SRP72: variants seen among roughly 807,000 people sequenced by gnomAD.
The protein encoded by SRP72 is signal recognition particle subunit SRP72.
Under a neutral mutation model 96.3 loss-of-function variants are expected in SRP72, and 49 were observed. The ratio of observed to expected loss-of-function variants is 0.51; its 90% CI spans 0.40 to 0.65. The LOEUF is 0.65. Ranked by LOEUF, SRP72 falls within the 30% of genes least tolerant of loss-of-function variation. SRP72 has a pLI of 0.00. For missense variants in SRP72, 736 were observed against 793.3 expected (o/e 0.93, Z 0.87); for synonymous variants, 267 against 275.2 (o/e 0.97, Z 0.30).
At chr4:56,500,497 T>G (rs371531671) in intron 17 of SRP72, 39 bp from the exon 18 acceptor site, 1 of 1,593,930 alleles carries the variant, frequency 6.3e-7, no homozygotes, top group South Asian at 1.1e-5. Flanking sequence ...CTTGAAAATA[T>G]TATGACACAT....
intron 8 of SRP72, among the ~76,000 whole-genome samples, chr4:56,481,488 C>T (rs544459402): frequency 1.1e-4 from 17 of 151,962 alleles, no homozygotes; most frequent in Non-Finnish European, 1.0e-4. Context: ...ACTGTGCCCC[C>T]ACATGGGAAT....
chr4:56,478,273 A>G, intron 6 of SRP72, 106 bp from the exon 7 acceptor site: 1 of 1,164,588 alleles, frequency 8.6e-7, no homozygotes, highest in Non-Finnish European at 1.1e-6. Context: ...AAATTTCTGA[A>G]ATTATGTGTC....
At chr4:56,474,025 T>A (rs1333277307) in intron 3 of SRP72, 29 bp from the exon 4 acceptor site, 1 of 1,596,022 alleles carries the variant, frequency 6.3e-7, no homozygotes, top group Admixed American at 1.8e-5. Flanking sequence ...TATTTGTCTC[T>A]GATTTTTTAC....
At chr4:56,478,689 T>G (rs536572824) in intron 8 of SRP72, 40 bp downstream of exon 8, 26 of 1,577,664 alleles carry the variant, frequency 1.6e-5, no homozygotes, top group Non-Finnish European at 2.2e-5. Flanking sequence ...TATTTTACCC[T>G]GAAAGCTCAT....
chr4:56,482,069 G>A (rs546818456), intron 8 of SRP72, among the ~76,000 whole-genome samples: 1 of 150,830 alleles, frequency 6.6e-6, no homozygotes, highest in African/African-American at 2.4e-5. Context: ...TGGCCATGGT[G>A]GTATCATTTT....
chr4:56,473,544 G>A (rs767739600), intron 3 of SRP72, among the ~76,000 whole-genome samples: 30 of 151,708 alleles, frequency 2.0e-4, no homozygotes, highest in Non-Finnish European at 3.4e-4. Context: ...TGAGGTGGGC[G>A]GATCACTTGA....
In SRP72 at chr4:56,491,572, A is replaced by G. The variant is rs745855043; in HGVS notation, c.1640+4A>G. The G allele has an allele frequency of 3.7e-6, 6 of 1,612,116 alleles. No homozygotes were observed. Among genetic ancestry groups the G allele is most frequent in the Admixed American group, 3.3e-5 (2 of 59,836 alleles). On this transcript the variant is annotated splice_donor_region_variant and intron_variant, in intron 16 of 18. Transcript: ENST00000642900. ...ATAGTCAACCAAAGGAACAAGGGTA[A>G]TATTTTTCATTGTAACGTTCTCTAA...
In SRP72 at chr4:56,502,493, A is replaced by G. The variant is rs1041098403; in HGVS notation, c.*632A>G. ...TATATATATATATATGTATATATAT[A>G]TACATATATATATATATATAAACAT... On this transcript the variant is annotated 3_prime_UTR_variant, in exon 19 of 19. Coordinates refer to ENST00000642900, the MANE Select transcript of SRP72 (RefSeq NM_006947.4). 1 of 100,148 alleles carries G rather than the reference A, an allele frequency of 1.0e-5. No homozygotes were observed. Among genetic ancestry groups the G allele is most frequent in the African/African-American group, 4.6e-5 (1 of 21,966 alleles). The allele number at this position is 100,148 out of a possible 1,614,324, so 6.2% of individuals were successfully genotyped here.
At chr4:56,479,458 C>T (rs558275908) in intron 8 of SRP72, among the ~76,000 whole-genome samples, 4 of 151,786 alleles carry the variant, frequency 2.6e-5, no homozygotes, top group East Asian at 1.9e-4. Context: ...GGATTACAGG[C>T]GTGAGCCACC....
intron 17 of SRP72, among the ~76,000 whole-genome samples, chr4:56,498,623 A>T (rs1721158543): frequency 6.6e-6 from 1 of 152,170 alleles, no homozygotes; most frequent in African/African-American, 2.4e-5. Context: ...CCTGTACACC[A>T]ATAGTAGACA....
chr4:56,477,957 GAGAA>G lies in SRP72; in HGVS notation c.643-420_643-417del. 2.6e-5 allele frequency among the ~76,000 whole-genome samples: 4 copies of G among 152,270 alleles called. No individual in the cohort carries two copies. The Middle Eastern group carries it at 0.014, about 518-fold the overall frequency. On this transcript the variant is annotated intron_variant, in intron 6 of 18. Coordinates refer to ENST00000642900, the MANE Select transcript of SRP72 (RefSeq NM_006947.4). ...TGAGGTAGAGTTATGGTAGAATAGA[GAGAA>G]AAGCATTTTTAAATGTGATTTTTAT... is the stretch of plus-strand genomic sequence containing the variant.
At chr4:56,469,434 A>G (rs1719874721) in intron 1 of SRP72, among the ~76,000 whole-genome samples, 1 of 152,298 alleles carries the variant, frequency 6.6e-6, no homozygotes, top group African/African-American at 2.4e-5. Context: ...AATTTAATCT[A>G]TAACTCTCCT....
intron 12 of SRP72, 154 bp from the exon 13 acceptor site, chr4:56,489,234 A>G: frequency 2.4e-6 from 1 of 425,270 alleles, no homozygotes; most frequent in South Asian, 8.0e-5. Context: ...CTAGAAGTAA[A>G]GTTAACTATG....
At position 56,500,562 on chromosome 4, in the gene SRP72, A is replaced by C; in HGVS notation, c.1705A>C (p.Lys569Gln). Residue 569 changes from lysine (K) to glutamine (Q), a missense_variant, in exon 18 of 19, where the codon AAA becomes CAA. Coordinates refer to ENST00000642900, the MANE Select transcript of SRP72 (RefSeq NM_006947.4). ...AAAATTGCCTAAGAATTATGACCCA[A>C]AAGTTACCCCAGATCCAGAAAGATG... The part of the protein sequence containing the change: ...KGKLPKNYDP[K>Q]VTPDPERWLP... 6.2e-7 allele frequency: 1 copy of C among 1,613,794 alleles called. No homozygotes were observed. Among genetic ancestry groups the C allele is most frequent in the Non-Finnish European group, 8.5e-7 (1 of 1,179,798 alleles).
Position 56,500,493 on chromosome 4 carries a change from A to G in SRP72, c.1679-43A>G, listed in dbSNP as rs189593301. 5.9e-5 allele frequency: 94 copies of G among 1,580,540 alleles called. No homozygotes were observed. The African/African-American group carries it at 1.0e-3, about 18-fold the overall frequency. ...CATCGTTTAAACAAACTATCTTGAA[A>G]ATATTATGACACATCTCTCATTTCT... is the stretch of plus-strand genomic sequence containing the variant. On this transcript the variant is annotated intron_variant, in intron 17 of 18. Transcript: ENST00000642900.
In SRP72 at chr4:56,495,396, TA is replaced by T; in HGVS notation, c.1678+4del. 1 of 1,485,250 alleles carries T rather than the reference TA, an allele frequency of 6.7e-7. No homozygotes were observed. The highest frequency in any genetic ancestry group is 9.3e-7 in the Non-Finnish European group (1 of 1,075,922). The allele number at this position is 1,485,250 out of a possible 1,614,324, so 92.0% of individuals were successfully genotyped here. A position where few individuals can be genotyped will look rare whatever the true frequency, so the allele number is the denominator to read the frequency against. ...AAAAGAAGAAAAAGAAAAAGAAGGG[TA>T]AGGCATTAAAAAAGTCTTTATAAAT... On this transcript the variant is annotated splice_donor_region_variant and intron_variant, in intron 17 of 18. Transcript: ENST00000642900.
At position 56,501,773 on chromosome 4, in the gene SRP72, C is replaced by T; in HGVS notation, c.1928C>T (p.Pro643Leu). ...TCTGCCTCTACAAGTAACATCATAC[C>T]CCCAAGACACCAGAAACCTGCAGGG... ...TVSASTSNIIPPRHQKPAGAP... is the reference protein window; with the variant it reads ...TVSASTSNIILPRHQKPAGAP... The change falls in exon 19 of 19, where the codon CCC (proline) becomes CTC (leucine). Residue 643 changes from proline to leucine, a missense_variant. By Grantham distance (98) the Pro-to-Leu change is moderately conservative. Coordinates refer to ENST00000642900, the MANE Select transcript of SRP72 (RefSeq NM_006947.4). 2 of 1,614,016 alleles carry T rather than the reference C, an allele frequency of 1.2e-6. No individual in the cohort carries two copies. Among genetic ancestry groups the T allele is most frequent in the Admixed American group, 1.7e-5 (1 of 59,986 alleles).
rs756336290 is a variant in SRP72 at position 56,487,954 on chromosome 4, A to G, written c.1165A>G (p.Ile389Val). Residue 389 changes from isoleucine (I) to valine (V), a missense_variant, in exon 12 of 19, where the codon ATT becomes GTT. Ile to Val is a conservative substitution (Grantham distance 29, BLOSUM62 3). Transcript: ENST00000642900. ...MAQLKISQGNISKACLILRSI... is the reference protein window; with the variant it reads ...MAQLKISQGNVSKACLILRSI... ...ATTTTGTTTATTCTCCTAAGGTAAT[A>G]TTTCTAAAGCATGTCTAATATTGAG... The G allele has an allele frequency of 3.1e-6, 5 of 1,598,170 alleles. No individual in the cohort carries two copies. The highest frequency in any genetic ancestry group is 4.3e-6 in the Non-Finnish European group (5 of 1,174,672).
chr4:56,471,991 CTCT>C (rs1719996414), intron 3 of SRP72, 148 bp downstream of exon 3: 1 of 885,082 alleles, frequency 1.1e-6, no homozygotes, highest in Non-Finnish European at 1.7e-6. Flanking sequence ...AACATAATTC[CTCT>C]TCTTGATCTT....
Sources: allele counts gnomAD v4.1 joint callset (sites outside exome capture counted in the v4.1 genomes callset), GRCh38; gene constraint gnomAD v4.1.1; transcripts MANE v1.5; gene names NCBI Gene and HGNC (gene_info 2026-07-23, HGNC 2026-07-21).